TANC1: variants seen among roughly 807,000 people sequenced by gnomAD.
The protein encoded by TANC1 is protein TANC1.
In TANC1, 77 loss-of-function variants were observed where a neutral mutation model predicts 149.7. The ratio of observed to expected loss-of-function variants is 0.51; its 90% CI spans 0.43 to 0.62. TANC1 has a LOEUF of 0.62. Ranked by LOEUF, TANC1 falls within the 20% of genes least tolerant of loss-of-function variation. The pLI is 0.00. For missense variants in TANC1, 1,985 were observed against 2,321.8 expected, an observed-to-expected ratio of 0.85 and a Z score of 2.98; for synonymous variants, 854 against 925.0, an observed-to-expected ratio of 0.92 and a Z score of 1.39.
chr2:159,219,877 A>G lies in TANC1; in HGVS notation c.3678+10A>G, dbSNP rs780363481. 7 of 1,612,278 alleles carry G rather than the reference A, an allele frequency of 4.3e-6. No individual in the cohort carries two copies. The Admixed American group carries it at 1.0e-4, about 23-fold the overall frequency. On this transcript the variant is annotated intron_variant, in intron 22 of 26. Coordinates refer to ENST00000263635, the MANE Select transcript of TANC1 (RefSeq NM_033394.3). ...TGGCGATGCCGAGACTGTGAGTACC[A>G]GCAGGTGTTCCCCACCTCCACCTGC...
intron 5 of TANC1, chr2:159,148,212 G>A (rs956004394): frequency 1.3e-5 from 2 of 152,234 alleles, no homozygotes; most frequent in Admixed American, 6.5e-5. Context: ...TAAGCAGCTT[G>A]CTTTGTAAAT....
chr2:159,127,210 A>C (rs2049543680), intron 4 of TANC1, among the ~76,000 whole-genome samples: 1 of 152,264 alleles, frequency 6.6e-6, no homozygotes, highest in South Asian at 2.1e-4. Flanking sequence ...ACATAAGAAA[A>C]AAAGCTCAAC....
chr2:159,187,104 T>A, intron 16 of TANC1, 80 bp downstream of exon 16: 1 of 1,553,042 alleles, frequency 6.4e-7, no homozygotes, highest in Non-Finnish European at 8.7e-7. Flanking sequence ...CCTGTTTCCC[T>A]CTGCCCTGGG....
chr2:159,229,512 T>A, intron 26 of TANC1, 66 bp from the exon 27 acceptor site: 1 of 1,304,616 alleles, frequency 7.7e-7, no homozygotes, highest in Non-Finnish European at 1.1e-6. Flanking sequence ...AGCTCTTTTA[T>A]GAACAGTTAC....
chr2:158,981,491 TTA>T (rs10602195), intron 1 of TANC1, among the ~76,000 whole-genome samples: 1,653 of 33,966 alleles, frequency 0.049, 25 homozygotes, highest in Non-Finnish European at 0.064. Flanking sequence ...TATATAGCTT[TTA>T]TATATATATA....
chr2:159,217,368 C>T, intron 19 of TANC1, 129 bp from the exon 20 acceptor site: 2 of 1,184,970 alleles, frequency 1.7e-6, no homozygotes, highest in Middle Eastern at 2.3e-4. Context: ...TCACAGAGCC[C>T]CCGCAGGTTC....
chr2:159,166,974 A>C (rs2054665744), intron 8 of TANC1, among the ~76,000 whole-genome samples: 1 of 152,208 alleles, frequency 6.6e-6, no homozygotes, highest in Non-Finnish European at 1.5e-5. Flanking sequence ...ATCTGAAAAC[A>C]GGCCTGTGGA....
intron 3 of TANC1, among the ~76,000 whole-genome samples, chr2:159,074,354 G>C (rs1559208548): frequency 6.6e-6 from 1 of 152,130 alleles, no homozygotes; most frequent in Non-Finnish European, 1.5e-5. Flanking sequence ...TTATGCCCTG[G>C]GATGTCATCA....
At chr2:159,166,293 T>C (rs1341162560) in intron 8 of TANC1, among the ~76,000 whole-genome samples, 2 of 152,242 alleles carry the variant, frequency 1.3e-5, no homozygotes, top group African/African-American at 4.8e-5. Flanking sequence ...AAACTGGTCA[T>C]TGCCCTGGAC....
At chr2:159,009,097 A>G (rs1480615687) in intron 2 of TANC1, among the ~76,000 whole-genome samples, 1 of 152,216 alleles carries the variant, frequency 6.6e-6, no homozygotes, top group African/African-American at 2.4e-5. Context: ...TGGAAAATAA[A>G]TTATAGATTG....
At chr2:159,016,861 A>G (rs1023829537) in intron 2 of TANC1, among the ~76,000 whole-genome samples, 2 of 152,212 alleles carry the variant, frequency 1.3e-5, no homozygotes, top group Non-Finnish European at 2.9e-5. Context: ...GGTGTGAGCC[A>G]CTGCACCCAG....
At chr2:158,979,632 T>G (rs1280252991) in intron 1 of TANC1, among the ~76,000 whole-genome samples, 2 of 152,180 alleles carry the variant, frequency 1.3e-5, no homozygotes, top group African/African-American at 4.8e-5. Flanking sequence ...GGTTTTTTGT[T>G]GTTGTTGTTC....
At chr2:159,228,681 C>T (rs2060164652) in intron 25 of TANC1, 115 bp from the exon 26 acceptor site, 1 of 708,142 alleles carries the variant, frequency 1.4e-6, no homozygotes, top group Admixed American at 2.3e-5. Flanking sequence ...CTTTCCCTTC[C>T]TCCCTCTCTG....
intron 1 of TANC1, among the ~76,000 whole-genome samples, chr2:158,976,884 A>AAAC (rs767030796): frequency 3.9e-5 from 6 of 152,204 alleles, no homozygotes; most frequent in Non-Finnish European, 5.9e-5. Flanking sequence ...CCGTCTTGAA[A>AAAC]AACAACAACA....
At chr2:159,228,094 C>T (rs2060125735) in intron 25 of TANC1, 129 bp downstream of exon 25, 2 of 1,000,134 alleles carry the variant, frequency 2.0e-6, no homozygotes. Context: ...TTTACATGAA[C>T]CTGGCATGTG....
At chr2:159,042,660 A>G (rs2040739953) in intron 2 of TANC1, among the ~76,000 whole-genome samples, 2 of 151,948 alleles carry the variant, frequency 1.3e-5, no homozygotes, top group Non-Finnish European at 2.9e-5. Flanking sequence ...GGCTGGCAAG[A>G]TTCCGTGGGG....
At chr2:159,205,883 T>C (rs1479408897) in intron 19 of TANC1, among the ~76,000 whole-genome samples, 1 of 152,204 alleles carries the variant, frequency 6.6e-6, no homozygotes, top group Non-Finnish European at 1.5e-5. Flanking sequence ...ATGTGTTACA[T>C]GGAACGCACA....
intron 2 of TANC1, among the ~76,000 whole-genome samples, chr2:159,051,762 C>G (rs1398988370): frequency 6.6e-6 from 1 of 151,780 alleles, no homozygotes; most frequent in East Asian, 1.9e-4. Flanking sequence ...CAGAACTGCA[C>G]GAGGCTTGCA....
intron 1 of TANC1, among the ~76,000 whole-genome samples, chr2:158,983,468 C>CAAAAAAAAAAACAAA (rs2034632582): frequency 1.1e-5 from 1 of 88,832 alleles, no homozygotes; most frequent in African/African-American, 4.6e-5. Context: ...CTCCGTCTCC[C>CAAAAAAAAAAACAAA]AAAAAAAAAA....
Sources: gnomAD v4.1 joint callset for allele counts (sites outside exome capture counted in the v4.1 genomes callset) on GRCh38, gnomAD v4.1.1 for gene constraint, MANE v1.5 for transcripts, NCBI Gene and HGNC (gene_info 2026-07-23, HGNC 2026-07-21) for gene names.